Variants in AGRN observed in about 807,000 individuals in gnomAD.
AGRN encodes agrin.
A neutral mutation model predicts 211.0 loss-of-function variants in AGRN; 106 were observed. The ratio of observed to expected loss-of-function variants is 0.50; its 90% CI spans 0.43 to 0.59. The LOEUF (loss-of-function observed/expected upper bound fraction) is 0.59. AGRN is among the 20% of genes least tolerant of loss of function. The probability of loss-of-function intolerance (pLI) is 0.00; values close to 1 mark genes in which losing one functional copy is unlikely to be tolerated. For synonymous variants in AGRN, 1,525 were observed against 1,332.5 expected, an observed-to-expected ratio of 1.14 and a Z score of -3.15; for missense variants, 3,040 against 2,982.6, an observed-to-expected ratio of 1.02 and a Z score of -0.45.
intron 2 of AGRN, chr1:1,034,142 A>G: frequency 1.0e-6 from 1 of 984,870 alleles, no homozygotes; most frequent in African/African-American, 1.7e-5. Context: ...TCTGCCGGGG[A>G]CGGGGACAGC....
In AGRN at chr1:1,022,446, G is replaced by A. The variant is rs563261159; in HGVS notation, c.447G>A (p.Val149=). 2 of 1,611,084 alleles carry A rather than the reference G, an allele frequency of 1.2e-6. No homozygotes were observed. Among genetic ancestry groups the A allele is most frequent in the South Asian group, 2.2e-5 (2 of 91,056 alleles). ...TCACCCTGCGGAACCTGGAGGAGGTGGAGTTCTGTGTGGAAGGTGCGTGGT... is the reference window on the plus strand; with the variant it reads ...TCACCCTGCGGAACCTGGAGGAGGTAGAGTTCTGTGTGGAAGGTGCGTGGT... ...MRITLRNLEE[V]EFCVEDKPGT... is the part of the protein sequence containing the mutation. The change falls in exon 2 of 36, where the codon GTG becomes GTA. Residue 149 remains valine, a synonymous_variant. Coordinates refer to ENST00000379370, the MANE Select transcript of AGRN (RefSeq NM_198576.4).
intron 6 of AGRN, 94 bp from the exon 7 acceptor site, chr1:1,041,862 G>A (rs1388015349): frequency 1.3e-6 from 2 of 1,570,846 alleles, no homozygotes; most frequent in African/African-American, 2.7e-5. Context: ...CTCCCCTCTG[G>A]GAGGGCCGCC....
rs1415657414 is a variant in AGRN, at chr1:1,022,332, C to T, written c.333C>T (p.Asp111=). The change falls in exon 2 of 36, where the codon GAC becomes GAT. Residue 111 remains aspartate (D), a synonymous_variant. Coordinates refer to ENST00000379370, the MANE Select transcript of AGRN (RefSeq NM_198576.4). ...LICDNQVSTG[D]TRIFFVNPAP... is the part of the protein sequence containing the mutation. ...GTGACAACCAGGTGTCCACTGGGGA[C>T]ACCAGGATCTTCTTTGTGAACCCTG... 5.6e-6 allele frequency: 9 copies of T among 1,613,300 alleles called. No individual in the cohort carries two copies. The highest frequency in any genetic ancestry group is 1.7e-5 in the Admixed American group (1 of 60,010).
In AGRN at chr1:1,049,553, C is replaced by G. The variant is rs780950307; in HGVS notation, c.4515-13C>G. 6.3e-7 allele frequency: 1 copy of G among 1,590,088 alleles called. No individual in the cohort carries two copies. Among genetic ancestry groups the G allele is most frequent in the Non-Finnish European group, 8.5e-7 (1 of 1,169,718 alleles). On this transcript the variant is annotated splice_polypyrimidine_tract_variant and intron_variant, in intron 25 of 35. Coordinates refer to ENST00000379370, the MANE Select transcript of AGRN (RefSeq NM_198576.4). ...GCCCCTGAGCCCTGACCCGGTGTCC[C>G]TCCTGGTGGCAGGGCGCTGGAGCGG...
chr1:1,042,888 C>T (rs931168436), intron 7 of AGRN, among the ~76,000 whole-genome samples: 2 of 151,896 alleles, frequency 1.3e-5, no homozygotes, highest in African/African-American at 4.8e-5. Flanking sequence ...CCACAGAGAG[C>T]CCCCCCACAT....
Position 1,041,960 on chromosome 1 carries a change from G to C in AGRN, c.1182G>C (p.Gln394His), listed in dbSNP as rs1343857691. ...VRSGQCQGRD[Q>H]CPEPCRFNAV... ...TCCCTCACCCCTGCGTCCTAGACCA[G>C]TGCCCGGAGCCCTGCCGGTTCAATG... is the stretch of plus-strand genomic sequence containing the variant. The change falls in exon 7 of 36, where the codon CAG (glutamine) becomes CAC (histidine). Residue 394 changes from glutamine (Q) to histidine (H), a missense_variant. Gln to His is a conservative substitution (Grantham distance 24). This residue lies in a region of AGRN where 1,498 missense variants were observed against 1,457.8 expected (regional missense o/e 1.03). Coordinates refer to ENST00000379370, the MANE Select transcript of AGRN (RefSeq NM_198576.4). The C allele has an allele frequency of 6.2e-7, 1 of 1,611,816 alleles. No homozygotes were observed. The highest frequency in any genetic ancestry group is 1.7e-5 in the Admixed American group (1 of 59,998).
At chr1:1,025,910 G>C (rs912290534) in intron 2 of AGRN, among the ~76,000 whole-genome samples, 2 of 152,184 alleles carry the variant, frequency 1.3e-5, no homozygotes, top group Admixed American at 6.5e-5. Flanking sequence ...GGAAGTCGGG[G>C]CTCGGTGCTT....
In AGRN at chr1:1,053,789, C is replaced by T. The variant is rs998402421; in HGVS notation, c.5688C>T (p.Ser1896=). ...TGCAGAGCAACCACTTTGAACTGAG[C>T]CTGCGCACTGAGGCCACGCAGGGGC... ...KALQSNHFEL[S]LRTEATQGLV... The change falls in exon 34 of 36, where the codon AGC becomes AGT. Residue 1896 remains serine (S), a synonymous_variant. Transcript: ENST00000379370. The T allele has an allele frequency of 3.7e-6, 6 of 1,610,034 alleles. No homozygotes were observed. Among genetic ancestry groups the T allele is most frequent in the Non-Finnish European group, 5.1e-6 (6 of 1,178,862 alleles).
chr1:1,035,864 G>A (rs1289339326), intron 3 of AGRN, among the ~76,000 whole-genome samples: 1 of 152,040 alleles, frequency 6.6e-6, no homozygotes, highest in Non-Finnish European at 1.5e-5. Context: ...TGGAGGGGGC[G>A]GGCTGACCTT....
rs542660796 is a variant in AGRN, at chr1:1,044,420, G to T, written c.2235G>T (p.Ala745=). ...AGTCACAGCGAGGGCTCTACGTAGC[G>T]GCCCAGGGAGCCTGCCGAGGTGAGC... is the stretch of plus-strand genomic sequence containing the variant. ...RCESQRGLYV[A]AQGACRGPTF... The change falls in exon 12 of 36, where the codon GCG becomes GCT. Residue 745 remains alanine (A), a synonymous_variant. Transcript: ENST00000379370. 5.2e-5 allele frequency: 83 copies of T among 1,610,668 alleles called. 1 individual carries two copies. The South Asian group carries it at 8.4e-4, about 16-fold the overall frequency.
rs748433532 is a variant in AGRN at position 1,051,802 on chromosome 1, G to A, written c.5638G>A (p.Ala1880Thr). 1.3e-5 allele frequency: 21 copies of A among 1,613,716 alleles called. No individual in the cohort carries two copies. The East Asian group carries it at 3.6e-4, about 27-fold the overall frequency. ...DGRTFVEYLN[A>T]VTESEKALQS... is the part of the protein sequence containing the mutation. ...GCGGACCTTTGTCGAGTACCTCAAC[G>A]CTGTGACCGAGAGGTAACGTGCCAT... Residue 1880 changes from alanine (A) to threonine (T), a missense_variant, in exon 33 of 36, where the codon GCT becomes ACT. Physicochemically the swap from Ala to Thr is moderately conservative, Grantham distance 58. Coordinates refer to ENST00000379370, the MANE Select transcript of AGRN (RefSeq NM_198576.4).
Position 1,047,347 on chromosome 1 carries a change from G to C in AGRN, c.3409G>C (p.Val1137Leu). The C allele has an allele frequency of 6.2e-7, 1 of 1,606,826 alleles. No homozygotes were observed. The highest frequency in any genetic ancestry group is 1.7e-4 in the Middle Eastern group (1 of 6,030). ...CACAGCCACCAAGGTGTTCCAGGGC[G>C]TCCTGGAGCTGGAGGGCGTCGAGGG... ...NCPATKVFQGVLELEGVEGQE... is the reference protein window; with the variant it reads ...NCPATKVFQGLLELEGVEGQE... Residue 1137 changes from valine to leucine, a missense_variant, in exon 20 of 36, where the codon GTC (valine) becomes CTC (leucine). This residue lies in a region of AGRN where 1,537 missense variants were observed against 1,505.0 expected (regional missense o/e 1.02). Coordinates refer to ENST00000379370, the MANE Select transcript of AGRN (RefSeq NM_198576.4).
At position 1,051,584 on chromosome 1, in the gene AGRN, G is replaced by A. The variant is rs371302168; in HGVS notation, c.5502G>A (p.Pro1834=). The change falls in exon 32 of 36, where the codon CCG becomes CCA. Residue 1834 remains proline, a synonymous_variant. Coordinates refer to ENST00000379370, the MANE Select transcript of AGRN (RefSeq NM_198576.4). ...GCCTCAATGGGGCCTCCTGCGTCCCGAGGGAGGCTGCCTATGTGTGCCTGT... is the reference window on the plus strand; with the variant it reads ...GCCTCAATGGGGCCTCCTGCGTCCCAAGGGAGGCTGCCTATGTGTGCCTGT... ...HPCLNGASCV[P]REAAYVCLCP... is the part of the protein sequence containing the mutation. The A allele has an allele frequency of 1.9e-5, 31 of 1,601,236 alleles. No homozygotes were observed. The highest frequency in any genetic ancestry group is 6.8e-5 in the Admixed American group (4 of 59,252).
chr1:1,047,007 C>A, intron 19 of AGRN, 50 bp downstream of exon 19: 1 of 1,552,024 alleles, frequency 6.4e-7, no homozygotes. Flanking sequence ...TGGGCTCGGC[C>A]GAGGTGCTGC....
intron 35 of AGRN, 99 bp downstream of exon 35, chr1:1,054,650 A>G (rs1645403256): frequency 6.7e-7 from 1 of 1,488,734 alleles, no homozygotes. Context: ...GTCAGGGTGC[A>G]TGTGAGCCGG....
rs1306824336 is a variant in AGRN at position 1,051,373 on chromosome 1, T to C, written c.5370+4T>C. 2 of 1,541,250 alleles carry C rather than the reference T, an allele frequency of 1.3e-6. No individual in the cohort carries two copies. The highest frequency in any genetic ancestry group is 4.9e-5 in the East Asian group (2 of 41,188). ...CTTCGACGGTGCCATCCAGCTGGTA[T>C]GTGGGGGCGGGGCGTCCCAGCAGGG... On this transcript the variant is annotated splice_donor_region_variant and intron_variant, in intron 31 of 35. Transcript: ENST00000379370.
intron 2 of AGRN, among the ~76,000 whole-genome samples, chr1:1,029,117 C>A (rs934251122): frequency 5.3e-5 from 8 of 150,676 alleles, no homozygotes; most frequent in African/African-American, 2.0e-4. Context: ...CCACCCTTTC[C>A]GAAGGAACCG....
Position 1,044,353 on chromosome 1 carries a change from T to A in AGRN, c.2168T>A (p.Val723Asp). 6.2e-7 allele frequency: 1 copy of A among 1,612,436 alleles called. No individual in the cohort carries two copies. The highest frequency in any genetic ancestry group is 8.5e-7 in the Non-Finnish European group (1 of 1,179,776). The change falls in exon 12 of 36, where the codon GTC becomes GAC. Residue 723 changes from valine to aspartate, a missense_variant. Physicochemically the swap from Val to Asp is radical, Grantham distance 152. This residue lies in a region of AGRN where 1,498 missense variants were observed against 1,457.8 expected (regional missense o/e 1.03). Coordinates refer to ENST00000379370, the MANE Select transcript of AGRN (RefSeq NM_198576.4). ...PGSPVCGSDG[V>D]TYSTECELKK... is the part of the protein sequence containing the mutation. Reference sequence around the variant, plus strand: ...CTCCAGGTGTGCGGCTCAGATGGGGTCACCTACAGCACCGAGTGTGAGCTG... The same window carrying A: ...CTCCAGGTGTGCGGCTCAGATGGGGACACCTACAGCACCGAGTGTGAGCTG...
rs765211645 is a variant in AGRN at position 1,032,380 on chromosome 1, G to A, written c.464-2897G>A. 6.6e-6 allele frequency among the ~76,000 whole-genome samples: 1 copy of A among 152,184 alleles called. No homozygotes were observed. The highest frequency in any genetic ancestry group is 1.5e-5 in the Non-Finnish European group (1 of 68,036). On this transcript the variant is annotated intron_variant, in intron 2 of 35. Coordinates refer to ENST00000379370, the MANE Select transcript of AGRN (RefSeq NM_198576.4). The surrounding 1 kb of genome is among the most constrained non-coding windows in gnomAD (Gnocchi z 4.7). ...AGACAGGACCTTCCCAGCTAAGGTG[G>A]GGTTGGTGGGATTTGGCTGGGGCCC...
Sources: allele counts gnomAD v4.1 joint callset (sites outside exome capture counted in the v4.1 genomes callset), GRCh38; gene constraint gnomAD v4.1.1; regional missense constraint gnomAD v4.1.1; non-coding constraint Gnocchi (gnomAD v3.1); transcripts MANE v1.5; gene names NCBI Gene and HGNC (gene_info 2026-07-23, HGNC 2026-07-21).